The following DYNC1I1 variants were observed in gnomAD, a reference collection of about 807,000 sequenced individuals.
DYNC1I1 encodes the protein cytoplasmic dynein 1 intermediate chain 1.
In DYNC1I1, 43 loss-of-function variants were observed where a neutral mutation model predicts 86.6. That is an observed-to-expected ratio of 0.50 (90% CI 0.39 to 0.64). The LOEUF (loss-of-function observed/expected upper bound fraction) is 0.64, where lower values mean the gene tolerates loss of function less well. Among genes scored for constraint, DYNC1I1 ranks in the 30% least tolerant of loss-of-function variants. The probability of loss-of-function intolerance (pLI) is 0.00; values close to 1 mark genes in which losing one functional copy is unlikely to be tolerated. For missense variants in DYNC1I1, 604 were observed against 788.8 expected (o/e 0.77, Z 2.81); for synonymous variants, 262 against 283.7 (o/e 0.92, Z 0.77).
chr7:96,100,356 T>TTTCCTTCC (rs372153684), downstream of DYNC1I1, among the ~76,000 whole-genome samples: 4 of 150,716 alleles, frequency 2.7e-5, no homozygotes, highest in Non-Finnish European at 5.9e-5. Context: ...CCTTCCTTCC[T>TTTCCTTCC]TTCCTTCCTT....
intron 4 of DYNC1I1, 131 bp from the exon 5 acceptor site, chr7:95,827,926 G>A: frequency 1.3e-6 from 1 of 788,724 alleles, no homozygotes; most frequent in South Asian, 1.9e-5. Context: ...TGGAGGGGAT[G>A]GAAGGGGGAC....
At chr7:96,020,997 A>T (rs1439885329) in intron 10 of DYNC1I1, among the ~76,000 whole-genome samples, 1 of 152,036 alleles carries the variant, frequency 6.6e-6, no homozygotes, top group Non-Finnish European at 1.5e-5. Context: ...GTGAAGAGTG[A>T]TGAGGGATGG....
downstream of DYNC1I1, among the ~76,000 whole-genome samples, chr7:96,099,451 A>G (rs559620989): frequency 5.3e-5 from 8 of 152,218 alleles, no homozygotes; most frequent in Non-Finnish European, 7.3e-5. Context: ...GTCTTAGTTA[A>G]TTCAGACTGC....
At chr7:95,839,094 G>A (rs1189518267) in intron 5 of DYNC1I1, among the ~76,000 whole-genome samples, 4 of 151,856 alleles carry the variant, frequency 2.6e-5, no homozygotes, top group Non-Finnish European at 4.4e-5. Context: ...GCAGTGGTGC[G>A]ATCTTGGCTC....
At chr7:95,837,252 T>TG (rs1303496291) in intron 5 of DYNC1I1, among the ~76,000 whole-genome samples, 17 of 150,786 alleles carry the variant, frequency 1.1e-4, no homozygotes, top group Admixed American at 1.1e-3. Context: ...GTGCCCCTGC[T>TG]GGGGGGTGCC....
At chr7:95,876,089 A>G (rs773882944) in intron 6 of DYNC1I1, among the ~76,000 whole-genome samples, 2 of 152,132 alleles carry the variant, frequency 1.3e-5, no homozygotes, top group Non-Finnish European at 2.9e-5. Context: ...TATGGTGAAT[A>G]AGATCTATTG....
At chr7:95,980,968 A>G (rs1425343127) in intron 7 of DYNC1I1, among the ~76,000 whole-genome samples, 1 of 152,102 alleles carries the variant, frequency 6.6e-6, no homozygotes, top group African/African-American at 2.4e-5. Flanking sequence ...CATGAGAGCC[A>G]CTGTCCTTAT....
At chr7:96,060,030 G>GT (rs1240196626) in intron 14 of DYNC1I1, among the ~76,000 whole-genome samples, 3 of 152,132 alleles carry the variant, frequency 2.0e-5, no homozygotes, top group African/African-American at 4.8e-5. Context: ...TTCCCCCAAA[G>GT]TTTACAAATC....
intron 6 of DYNC1I1, among the ~76,000 whole-genome samples, chr7:95,890,167 A>G (rs980764779): frequency 9.2e-5 from 14 of 152,248 alleles, no homozygotes; most frequent in African/African-American, 3.4e-4. Flanking sequence ...AATTGCAAAT[A>G]TATGGAATCA....
Position 96,097,630 on chromosome 7 carries a change from G to T in DYNC1I1, c.*37G>T, listed in dbSNP as rs1223842494. On this transcript the variant is annotated 3_prime_UTR_variant, in exon 17 of 17. Transcript: ENST00000447467. Reference sequence around the variant, plus strand: ...CACCCCCACTGCAGCCCCCACCTTTGTGTCCTAGAGCTCAGCGTCTGCAGT... The same window carrying T: ...CACCCCCACTGCAGCCCCCACCTTTTTGTCCTAGAGCTCAGCGTCTGCAGT... 2 of 1,611,820 alleles carry T rather than the reference G, an allele frequency of 1.2e-6. No individual in the cohort carries two copies. The highest frequency in any genetic ancestry group is 1.7e-6 in the Non-Finnish European group (2 of 1,178,888).
At chr7:96,075,954 T>G in intron 14 of DYNC1I1, 103 bp from the exon 15 acceptor site, 3 of 1,491,088 alleles carry the variant, frequency 2.0e-6, no homozygotes, top group East Asian at 2.3e-5. Flanking sequence ...TCTCGGGAAG[T>G]TTTATGACAC....
At chr7:96,007,565 T>C (rs891446004) in intron 10 of DYNC1I1, among the ~76,000 whole-genome samples, 18 of 152,178 alleles carry the variant, frequency 1.2e-4, no homozygotes, top group Middle Eastern at 3.2e-3. Flanking sequence ...AATTCGGAGA[T>C]AGCAAAGAGC....
At chr7:96,061,981 G>A (rs1378913825) in intron 14 of DYNC1I1, among the ~76,000 whole-genome samples, 1 of 152,174 alleles carries the variant, frequency 6.6e-6, no homozygotes, top group Non-Finnish European at 1.5e-5. Flanking sequence ...AGAGTCTTGA[G>A]TTTTAGCCAA....
intron 6 of DYNC1I1, among the ~76,000 whole-genome samples, chr7:95,924,196 C>G (rs1255352661): frequency 6.6e-6 from 1 of 152,154 alleles, no homozygotes; most frequent in Non-Finnish European, 1.5e-5. Flanking sequence ...ATACAATCTT[C>G]TGTGTTTTGT....
At position 95,875,070 on chromosome 7, in the gene DYNC1I1, C is replaced by T. The variant is rs149295527; in HGVS notation, c.490+5072C>T. Reference sequence around the variant, plus strand: ...TGTTCCCTCAAGGGAGTCCATTAGCCAGGACTAGGTTACATGCCCCTGTGT... The same window carrying T: ...TGTTCCCTCAAGGGAGTCCATTAGCTAGGACTAGGTTACATGCCCCTGTGT... On this transcript the variant is annotated intron_variant, in intron 6 of 16. Coordinates refer to ENST00000447467, the MANE Select transcript of DYNC1I1 (RefSeq NM_001135556.2). Among the ~76,000 whole-genome samples, 376 of 152,332 alleles carry T rather than the reference C, an allele frequency of 2.5e-3. 1 individual carries two copies. The highest frequency in any genetic ancestry group is 3.0e-3 in the Non-Finnish European group (207 of 68,036).
At chr7:96,055,142 A>G (rs1789532874) in intron 14 of DYNC1I1, among the ~76,000 whole-genome samples, 1 of 152,100 alleles carries the variant, frequency 6.6e-6, no homozygotes, top group Non-Finnish European at 1.5e-5. Flanking sequence ...GGATTTCTGT[A>G]TAAGGTGTAA....
At chr7:96,100,921 C>T (rs1791126103), downstream of DYNC1I1, among the ~76,000 whole-genome samples, 1 of 152,148 alleles carries the variant, frequency 6.6e-6, no homozygotes, top group African/African-American at 2.4e-5. Context: ...ACCCAGAGTA[C>T]ACACCCTTCA....
At chr7:95,984,130 T>C (rs1793523348) in intron 7 of DYNC1I1, among the ~76,000 whole-genome samples, 1 of 152,208 alleles carries the variant, frequency 6.6e-6, no homozygotes, top group South Asian at 2.1e-4. Context: ...TATCTTCAAA[T>C]TTAGTTTGAT....
chr7:95,858,459 TAAC>T (rs1385325633), intron 5 of DYNC1I1, among the ~76,000 whole-genome samples: 4 of 152,284 alleles, frequency 2.6e-5, no homozygotes, highest in East Asian at 1.9e-4. Flanking sequence ...CACTCTAAAA[TAAC>T]AATCAAAAGT....
Sources: allele counts gnomAD v4.1 joint callset (sites outside exome capture counted in the v4.1 genomes callset), GRCh38; gene constraint gnomAD v4.1.1; transcripts MANE v1.5; gene names NCBI Gene and HGNC (gene_info 2026-07-23, HGNC 2026-07-21).